Variants in UGT1A5 observed in about 807,000 individuals in gnomAD.
The protein encoded by UGT1A5 is UDP glucuronosyltransferase family 1 member A5.
UGT1A5 carries 29 observed loss-of-function variants against 40.3 expected under a neutral mutation model. The ratio of observed to expected loss-of-function variants is 0.72; its 90% confidence interval spans 0.54 to 0.98. The LOEUF is 0.98. Among genes scored for constraint, UGT1A5 ranks in the 50% least tolerant of loss-of-function variants. The pLI is 0.00. For synonymous variants in UGT1A5, 257 were observed against 262.5 expected, an observed-to-expected ratio of 0.98 and a Z score of 0.20; for missense variants, 678 against 677.9, an observed-to-expected ratio of 1.00 and a Z score of 0.00.
intron 1 of UGT1A5, among the ~76,000 whole-genome samples, chr2:233,733,852 A>G (rs1004381201): frequency 1.3e-5 from 2 of 151,136 alleles, no homozygotes; most frequent in African/African-American, 2.4e-5. Flanking sequence ...CTCTTTTTCT[A>G]TTGATTGGAA....
intron 1 of UGT1A5, among the ~76,000 whole-genome samples, chr2:233,745,982 A>G (rs1693272661): frequency 2.0e-5 from 3 of 151,698 alleles, no homozygotes; most frequent in South Asian, 2.1e-4. Flanking sequence ...TGGGACCATG[A>G]CAGCTGGGTC....
At chr2:233,747,194 T>C in intron 1 of UGT1A5, 2 of 1,604,420 alleles carry the variant, frequency 1.2e-6, no homozygotes, top group Non-Finnish European at 1.7e-6. Context: ...GACAGTCAGC[T>C]GTCCGTGTCT....
chr2:233,768,483 T>A (rs373208475), intron 4 of UGT1A5, 44 bp downstream of exon 4: 16 of 1,586,602 alleles, frequency 1.0e-5, no homozygotes, highest in Non-Finnish European at 1.4e-5. Flanking sequence ...ATGGCATTCA[T>A]GATAAAATTG....
chr2:233,732,205 G>T, intron 1 of UGT1A5, among the ~76,000 whole-genome samples: 1 of 152,068 alleles, frequency 6.6e-6, no homozygotes, highest in South Asian at 2.1e-4. Context: ...TTGTCAGATG[G>T]GTAGATTGCA....
intron 1 of UGT1A5, chr2:233,730,112 T>C (rs933459456): frequency 6.4e-7 from 1 of 1,565,128 alleles, no homozygotes; most frequent in Admixed American, 1.8e-5. Context: ...TTTCTGCTTC[T>C]CCTTGTCATA....
At chr2:233,755,824 A>G (rs764510455) in intron 1 of UGT1A5, 1 of 152,240 alleles carries the variant, frequency 6.6e-6, no homozygotes, top group Admixed American at 6.5e-5. Context: ...TTAAAAAGAC[A>G]TATTCATTGG....
chr2:233,749,292 A>T (rs1326160420), intron 1 of UGT1A5, among the ~76,000 whole-genome samples: 1 of 151,992 alleles, frequency 6.6e-6, no homozygotes, highest in Admixed American at 6.5e-5. Flanking sequence ...GTAGTTATTC[A>T]ATTATAAAAT....
chr2:233,734,138 TG>T (rs2078490713), intron 1 of UGT1A5, among the ~76,000 whole-genome samples: 1 of 152,142 alleles, frequency 6.6e-6, no homozygotes, highest in Non-Finnish European at 1.5e-5. Flanking sequence ...AATTTGGCTG[TG>T]AATCCATCTG....
chr2:233,752,243 C>G (rs777804991), intron 1 of UGT1A5: 1 of 152,156 alleles, frequency 6.6e-6, no homozygotes, highest in Non-Finnish European at 1.5e-5. Context: ...TTTTTGGACC[C>G]TACTGTGATG....
intron 1 of UGT1A5, among the ~76,000 whole-genome samples, chr2:233,748,306 G>A (rs1220013639): frequency 1.3e-5 from 2 of 151,694 alleles, no homozygotes; most frequent in Non-Finnish European, 2.9e-5. Context: ...TTTATCAAAG[G>A]ATGGACTAGG....
chr2:233,767,582 C>A (rs1315665394), intron 2 of UGT1A5, among the ~76,000 whole-genome samples: 1 of 152,138 alleles, frequency 6.6e-6, no homozygotes, highest in Non-Finnish European at 1.5e-5. Context: ...CAAACTTTCC[C>A]TTAAAGTGCA....
At chr2:233,770,670 A>C (rs1409019520) in intron 4 of UGT1A5, 2 of 152,132 alleles carry the variant, frequency 1.3e-5, no homozygotes, top group Non-Finnish European at 2.9e-5. Flanking sequence ...TTAAAAAAAA[A>C]AAAAAGAAGG....
rs34150486 is a variant in UGT1A5, at chr2:233,743,623, G to C, written c.868-23411G>C. The stretch of plus-strand genomic sequence containing the variant: ...GGCCGCCGAAGAACTCCCTGAAGAC[G>C]TCGGCTGGGTCGCGGAAGCTGAAGA... On this transcript the variant is annotated intron_variant, in intron 1 of 4. Coordinates refer to ENST00000373414, the MANE Select transcript of UGT1A5 (RefSeq NM_019078.2). The C allele has an allele frequency of 7.3e-5, 100 of 1,367,326 alleles. 1 individual carries two copies. In the East Asian group the frequency reaches 1.5e-3, roughly 20 times the overall value. The allele number at this position is 1,367,326 out of a possible 1,614,324, so 84.7% of individuals were successfully genotyped here. A position where few individuals can be genotyped will look rare whatever the true frequency, so the allele number is the denominator to read the frequency against.
rs1699597581 is a variant in UGT1A5 at position 233,768,288 on chromosome 2, G to A, written c.1156G>A (p.Gly386Ser). 4 of 1,614,072 alleles carry A rather than the reference G, an allele frequency of 2.5e-6. No individual in the cohort carries two copies. Among genetic ancestry groups the A allele is most frequent in the Non-Finnish European group, 3.4e-6 (4 of 1,180,052 alleles). ...TGGTGTTTATGAAAGCATATGCAATGGCGTTCCCATGGTGATGATGCCCTT... is the reference window on the plus strand; with the variant it reads ...TGGTGTTTATGAAAGCATATGCAATAGCGTTCCCATGGTGATGATGCCCTT... ...SHGVYESICN[G>S]VPMVMMPLFG... The change falls in exon 4 of 5, where the codon GGC (glycine) becomes AGC (serine). Residue 386 changes from glycine to serine, a missense_variant. Physicochemically the swap from Gly to Ser is moderately conservative, Grantham distance 56. Transcript: ENST00000373414.
At chr2:233,741,636 G>A (rs776299256) in intron 1 of UGT1A5, 1 of 151,906 alleles carries the variant, frequency 6.6e-6, no homozygotes, top group Non-Finnish European at 1.5e-5. Flanking sequence ...GCCCCTGTGG[G>A]ATGGTGCCAG....
intron 1 of UGT1A5, among the ~76,000 whole-genome samples, chr2:233,716,722 T>A (rs1048158654): frequency 6.6e-5 from 10 of 152,206 alleles, no homozygotes; most frequent in African/African-American, 2.2e-4. Context: ...AGTTCCAGTT[T>A]ATATGTTTAG....
chr2:233,719,640 G>T lies in UGT1A5; in HGVS notation c.867+5782G>T, dbSNP rs560127147. ...CCCCAGGCCGATCATGCCCAACATG[G>T]TCTTCATTGGGGGCATCAACTGTGC... On this transcript the variant is annotated intron_variant, in intron 1 of 4. Transcript: ENST00000373414. 1.8e-5 allele frequency: 29 copies of T among 1,614,046 alleles called. 1 individual carries two copies. The East Asian group carries it at 2.0e-4, about 11-fold the overall frequency.
At chr2:233,768,166 A>G in intron 3 of UGT1A5, 54 bp from the exon 4 acceptor site, 2 of 1,613,684 alleles carry the variant, frequency 1.2e-6, no homozygotes, top group Non-Finnish European at 1.7e-6. Flanking sequence ...AGATGTGTCC[A>G]GCTGTGAAAC....
rs2076494681 is a variant in UGT1A5, at chr2:233,716,255, T to A, written c.867+2397T>A. Among the ~76,000 whole-genome samples, 5 of 152,210 alleles carry A rather than the reference T, an allele frequency of 3.3e-5. No homozygotes were observed. The South Asian group carries it at 1.0e-3, about 32-fold the overall frequency. On this transcript the variant is annotated intron_variant, in intron 1 of 4. Transcript: ENST00000373414. ...CATTGTCCTGCCCGGACATCCAGCA[T>A]AATCTCCCCATGTCAAAACCCTTAA...
Sources: gnomAD v4.1 joint callset for allele counts (sites outside exome capture counted in the v4.1 genomes callset) on GRCh38, gnomAD v4.1.1 for gene constraint, MANE v1.5 for transcripts, NCBI Gene and HGNC (gene_info 2026-07-23, HGNC 2026-07-21) for gene names.